GPR89A: variants seen among roughly 807,000 people sequenced by gnomAD.
The protein encoded by GPR89A is golgi pH regulator A.
GPR89A carries 16 observed loss-of-function variants against 52.0 expected under a neutral mutation model. That is an observed-to-expected ratio of 0.31 (90% CI 0.21 to 0.47). GPR89A has a LOEUF of 0.47. Among genes scored for constraint, GPR89A ranks in the 20% least tolerant of loss-of-function variants. The pLI is 1.00. For missense variants in GPR89A, 135 were observed against 449.4 expected (o/e 0.30, Z 6.33); for synonymous variants, 55 against 150.9 (o/e 0.36, Z 4.66).
At chr1:145,647,869 CTCTCTCTCTCTA>C (rs1651146505) in intron 10 of GPR89A, among the ~76,000 whole-genome samples, 21 of 88,422 alleles carry the variant, frequency 2.4e-4, no homozygotes, top group African/African-American at 9.7e-4. Flanking sequence ...CTCTCTCTCT[CTCTCTCTCTCTA>C]TATATATATA....
In GPR89A at chr1:145,647,287, T is replaced by C; in HGVS notation, c.909+20T>C. 6.4e-7 allele frequency: 1 copy of C among 1,567,930 alleles called. No individual in the cohort carries two copies. Among genetic ancestry groups the C allele is most frequent in the Non-Finnish European group, 8.7e-7 (1 of 1,155,224 alleles). ...TTCATGGTAAGTATGTTATTTTTAA[T>C]TATCAGAGTTTAGATGTTTTTTCCT... On this transcript the variant is annotated intron_variant, in intron 10 of 13. Transcript: ENST00000313835.
intron 7 of GPR89A, among the ~76,000 whole-genome samples, chr1:145,633,918 C>T (rs1650039015): frequency 6.7e-6 from 1 of 150,352 alleles, no homozygotes; most frequent in Non-Finnish European, 1.5e-5. Flanking sequence ...AGAAAAAATA[C>T]TTAGGGATAA....
At chr1:145,635,718 T>C (rs1263847418) in intron 7 of GPR89A, among the ~76,000 whole-genome samples, 1 of 152,322 alleles carries the variant, frequency 6.6e-6, no homozygotes, top group East Asian at 1.9e-4. Context: ...TACTCATGCC[T>C]GTAACCCTAA....
chr1:145,627,827 G>A (rs1649620177), intron 5 of GPR89A, among the ~76,000 whole-genome samples: 1 of 151,278 alleles, frequency 6.6e-6, no homozygotes. Flanking sequence ...AGATTTAAAG[G>A]ACAAGACCAA....
intron 5 of GPR89A, 55 bp downstream of exon 5, chr1:145,623,769 C>A (rs1553688570): frequency 6.3e-7 from 1 of 1,587,642 alleles, no homozygotes; most frequent in African/African-American, 1.4e-5. Context: ...GTTTAATTTT[C>A]TGATTTCAAA....
chr1:145,656,336 C>A (rs587680026), intron 10 of GPR89A, among the ~76,000 whole-genome samples: 19 of 152,034 alleles, frequency 1.2e-4, no homozygotes, highest in Admixed American at 1.1e-3. Context: ...TTGCACAGAT[C>A]TGTGGAAGAA....
chr1:145,647,504 A>T (rs1279376860), intron 10 of GPR89A, among the ~76,000 whole-genome samples: 1 of 151,886 alleles, frequency 6.6e-6, no homozygotes, highest in East Asian at 1.9e-4. Context: ...GCCTTAGTTT[A>T]TGAAATATCT....
At chr1:145,614,973 G>T (rs1402446127) in intron 1 of GPR89A, among the ~76,000 whole-genome samples, 1 of 152,126 alleles carries the variant, frequency 6.6e-6, no homozygotes, top group Non-Finnish European at 1.5e-5. Flanking sequence ...GTTTACACTT[G>T]CTCAGTAAAG....
chr1:145,650,595 CCCA>C (rs1553693374), intron 10 of GPR89A, among the ~76,000 whole-genome samples: 2 of 150,928 alleles, frequency 1.3e-5, no homozygotes, highest in African/African-American at 4.9e-5. Context: ...AATGTACATT[CCCA>C]CCAACAGTGT....
At chr1:145,617,528 A>G (rs1336969853) in intron 2 of GPR89A, among the ~76,000 whole-genome samples, 6 of 152,102 alleles carry the variant, frequency 3.9e-5, no homozygotes, top group Admixed American at 2.0e-4. Context: ...AAAAAGTATT[A>G]ATTTGGGGAA....
At position 145,613,872 on chromosome 1, in the gene GPR89A, T is replaced by C. The variant is rs587660908; in HGVS notation, c.43-2362T>C. The stretch of plus-strand genomic sequence containing the variant: ...CATGCTCACAGCTCACTATAACGTC[T>C]ACCTGCCAGGCTCAAGTGGCCCTTC... On this transcript the variant is annotated intron_variant, in intron 1 of 13. Coordinates refer to ENST00000313835, the MANE Select transcript of GPR89A (RefSeq NM_001097612.2). Among the ~76,000 whole-genome samples the C allele has an allele frequency of 3.7e-4, 56 of 152,052 alleles. 1 individual carries two copies. In the East Asian group the frequency reaches 0.01, roughly 28 times the overall value.
At chr1:145,667,441 G>C (rs1163727210) in intron 12 of GPR89A, among the ~76,000 whole-genome samples, 8 of 151,874 alleles carry the variant, frequency 5.3e-5, no homozygotes, top group Non-Finnish European at 1.5e-5. Context: ...TTGTAAATTT[G>C]TTTGAGTTCT....
At chr1:145,613,699 C>G (rs1356426587) in intron 1 of GPR89A, among the ~76,000 whole-genome samples, 20 of 150,644 alleles carry the variant, frequency 1.3e-4, no homozygotes, top group Non-Finnish European at 2.8e-4. Context: ...GCTATTCACT[C>G]TGCGCCTTTA....
intron 3 of GPR89A, among the ~76,000 whole-genome samples, chr1:145,619,484 C>T (rs1340583104): frequency 6.6e-6 from 1 of 151,946 alleles, no homozygotes; most frequent in African/African-American, 2.4e-5. Context: ...TGGTAGTACA[C>T]GTCTGTAGTG....
chr1:145,632,151 A>G (rs587659000), intron 7 of GPR89A, among the ~76,000 whole-genome samples: 10 of 152,012 alleles, frequency 6.6e-5, no homozygotes, highest in Non-Finnish European at 1.2e-4. Flanking sequence ...GTAAATTGAC[A>G]AATTATGGTT....
rs587720026 is a variant in GPR89A, at chr1:145,655,537, C to T, written c.910-7792C>T. The stretch of plus-strand genomic sequence containing the variant: ...TTGCTTTCTGTTTGTTTGTTTTTAA[C>T]AGTCAGGCCCCTCTTCTGTAGGGCT... On this transcript the variant is annotated intron_variant, in intron 10 of 13. Transcript: ENST00000313835. Among the ~76,000 whole-genome samples, 6 of 152,228 alleles carry T rather than the reference C, an allele frequency of 3.9e-5. No individual in the cohort carries two copies. In the East Asian group the frequency reaches 1.2e-3, roughly 29 times the overall value.
At chr1:145,640,063 C>CA (rs1178980241) in intron 7 of GPR89A, among the ~76,000 whole-genome samples, 1 of 151,428 alleles carries the variant, frequency 6.6e-6, no homozygotes, top group Non-Finnish European at 1.5e-5. Context: ...ACTAAAAATA[C>CA]AAAAAATTAG....
At position 145,616,123 on chromosome 1, in the gene GPR89A, C is replaced by T. The variant is rs587658709; in HGVS notation, c.43-111C>T. On this transcript the variant is annotated intron_variant, in intron 1 of 13. Transcript: ENST00000313835. ...ATAAGAGTGGATCTTATCTTTAATC[C>T]CTGAAATAAGTTAACCGTCTAGTTA... The T allele has an allele frequency of 1.3e-4, 92 of 688,716 alleles. 1 individual carries two copies. The East Asian group carries it at 2.3e-3, about 17-fold the overall frequency. 42.7% of individuals were successfully genotyped at this position (688,716 alleles called of 1,614,324 possible).
At chr1:145,665,473 A>G in intron 11 of GPR89A, 89 bp from the exon 12 acceptor site, 1 of 1,570,298 alleles carries the variant, frequency 6.4e-7, no homozygotes, top group Non-Finnish European at 8.8e-7. Flanking sequence ...GCTCCCTCTC[A>G]CAGTCATGTA....
Sources: gnomAD v4.1 joint callset for allele counts (sites outside exome capture counted in the v4.1 genomes callset) on GRCh38, gnomAD v4.1.1 for gene constraint, MANE v1.5 for transcripts, NCBI Gene and HGNC (gene_info 2026-07-23, HGNC 2026-07-21) for gene names.